The following IL21R variants were observed in gnomAD, a reference collection of about 807,000 sequenced individuals.
IL21R encodes interleukin 21 receptor.
IL21R carries 14 observed loss-of-function variants against 41.3 expected under a neutral mutation model. The ratio of observed to expected loss-of-function variants is 0.34; its 90% CI spans 0.22 to 0.53. IL21R has a LOEUF of 0.53. Ranked by LOEUF, IL21R falls within the 20% of genes least tolerant of loss-of-function variation. IL21R has a pLI of 0.94. For synonymous variants in IL21R, 286 were observed against 287.6 expected (o/e 0.99, Z 0.05); for missense variants, 588 against 681.6 (o/e 0.86, Z 1.53).
intron 1 of IL21R, among the ~76,000 whole-genome samples, chr16:27,418,121 G>T (rs1234241650): frequency 6.6e-6 from 1 of 151,134 alleles, no homozygotes; most frequent in Non-Finnish European, 1.5e-5. Context: ...CCAGGCTGGA[G>T]TGCAGTGGCG....
chr16:27,412,078 T>C (rs1443717288), intron 1 of IL21R, among the ~76,000 whole-genome samples: 2 of 152,226 alleles, frequency 1.3e-5, no homozygotes, highest in African/African-American at 4.8e-5. Context: ...AGGTCTTATG[T>C]TTGGGTCTTT....
rs555882897 is a variant in IL21R, at chr16:27,444,445, C to G, written c.508-97C>G. The G allele has an allele frequency of 2.7e-5, 21 of 780,426 alleles. No homozygotes were observed. The African/African-American group carries it at 3.5e-4, about 13-fold the overall frequency. 48.3% of individuals were successfully genotyped at this position (780,426 alleles called of 1,614,324 possible). A position where few individuals can be genotyped will look rare whatever the true frequency, so the allele number is the denominator to read the frequency against. Reference sequence around the variant, plus strand: ...TGTGGGAAGAGAAGAGACACTCAGCCCCTTTGATGGAAGCTGGGAAAAGAG... The same window carrying G: ...TGTGGGAAGAGAAGAGACACTCAGCGCCTTTGATGGAAGCTGGGAAAAGAG... On this transcript the variant is annotated intron_variant, in intron 5 of 8. Coordinates refer to ENST00000337929, the MANE Select transcript of IL21R (RefSeq NM_181078.3).
chr16:27,418,376 T>C (rs2086934768), intron 1 of IL21R, among the ~76,000 whole-genome samples: 1 of 150,350 alleles, frequency 6.7e-6, no homozygotes, highest in Admixed American at 6.7e-5. Context: ...CCCTATTTTA[T>C]TTCATTTTTT....
At chr16:27,413,949 T>C (rs189395784) in intron 1 of IL21R, among the ~76,000 whole-genome samples, 11 of 152,134 alleles carry the variant, frequency 7.2e-5, no homozygotes, top group African/African-American at 2.6e-4. Context: ...ATTATTATTC[T>C]AATAGTTTAT....
rs2087604255 is a variant in IL21R, at chr16:27,451,862, A to T, written c.*2579A>T. On this transcript the variant is annotated 3_prime_UTR_variant, in exon 9 of 9. Transcript: ENST00000337929. Reference sequence around the variant, plus strand: ...GCAAAAGTCTTTGATATTACTCTTAATGGCTTTAATAAAAAGCTTGAAGGA... The same window carrying T: ...GCAAAAGTCTTTGATATTACTCTTATTGGCTTTAATAAAAAGCTTGAAGGA... 2 of 230,636 alleles carry T rather than the reference A, an allele frequency of 8.7e-6. No homozygotes were observed. Among genetic ancestry groups the T allele is most frequent in the Non-Finnish European group, 1.7e-5 (2 of 116,346 alleles). The allele number at this position is 230,636 out of a possible 1,614,324, so 14.3% of individuals were successfully genotyped here.
intron 1 of IL21R, among the ~76,000 whole-genome samples, chr16:27,408,672 T>A (rs2086782985): frequency 6.6e-6 from 1 of 152,172 alleles, no homozygotes; most frequent in African/African-American, 2.4e-5. Context: ...CCTCTTCTGG[T>A]GACCTGTTGG....
In IL21R at chr16:27,440,287, A is replaced by C. The variant is rs1047525005; in HGVS notation, c.352+2600A>C. The stretch of plus-strand genomic sequence containing the variant: ...GAGAGAGAGAGAGAGAGAGCGAGCA[A>C]GCGCGCGCCAGGGTGTAGCTTTGTC... On this transcript the variant is annotated intron_variant, in intron 4 of 8. Coordinates refer to ENST00000337929, the MANE Select transcript of IL21R (RefSeq NM_181078.3). Among the ~76,000 whole-genome samples, 467 of 102,398 alleles carry C rather than the reference A, an allele frequency of 4.6e-3. 5 individuals are homozygous for C. Among genetic ancestry groups the C allele is most frequent in the East Asian group, 0.04 (156 of 3,872 alleles). The allele number at this position is 102,398 out of a possible 152,430, so 67.2% of individuals were successfully genotyped here. A position where few individuals can be genotyped will look rare whatever the true frequency, so the allele number is the denominator to read the frequency against.
chr16:27,445,997 G>T lies in IL21R; in HGVS notation c.786-10G>T, dbSNP rs752778052. The T allele has an allele frequency of 1.9e-6, 3 of 1,607,754 alleles. No homozygotes were observed. The highest frequency in any genetic ancestry group is 1.1e-5 in the South Asian group (1 of 90,142). ...GATGTCAGGGTCCTCACCCCTCTCT[G>T]CCCCCTCAGGCTATGGAAGAAGATA... On this transcript the variant is annotated splice_polypyrimidine_tract_variant and intron_variant, in intron 7 of 8. Transcript: ENST00000337929.
At chr16:27,442,225 C>A (rs890940693) in intron 4 of IL21R, among the ~76,000 whole-genome samples, 1 of 135,238 alleles carries the variant, frequency 7.4e-6, no homozygotes, top group Non-Finnish European at 1.6e-5. Context: ...TGTGGGCATG[C>A]ATGTGTGTGG....
chr16:27,440,045 AC>A (rs2087352667), intron 4 of IL21R, among the ~76,000 whole-genome samples: 2 of 151,816 alleles, frequency 1.3e-5, no homozygotes, highest in African/African-American at 4.8e-5. Context: ...TCAGTCAAAA[AC>A]ATCCCATTAC....
intron 7 of IL21R, 125 bp from the exon 8 acceptor site, chr16:27,445,882 A>G: frequency 1.7e-6 from 1 of 594,510 alleles, no homozygotes; most frequent in East Asian, 3.2e-5. Context: ...GGAAGGAGGG[A>G]GGCGCCTGGG....
intron 1 of IL21R, 138 bp from the exon 2 acceptor site, chr16:27,429,918 G>T: frequency 1.5e-6 from 1 of 649,832 alleles, no homozygotes; most frequent in South Asian, 2.0e-5. Flanking sequence ...TCATCCACAG[G>T]CCCCTCGGGA....
intron 8 of IL21R, among the ~76,000 whole-genome samples, chr16:27,447,205 A>G (rs2087496610): frequency 6.6e-6 from 1 of 152,070 alleles, no homozygotes; most frequent in South Asian, 2.1e-4. Context: ...TTTTGGGTTG[A>G]TTTTTACCAA....
Position 27,437,597 on chromosome 16 carries a change from T to G in IL21R, c.262T>G (p.Phe88Val). ...CACCTGCCACATGGATGTATTCCAC[T>G]TCATGGCCGACGACATTTTCAGTGT... ...TYTCHMDVFH[F>V]MADDIFSVNI... The change falls in exon 4 of 9, where the codon TTC becomes GTC. Residue 88 changes from phenylalanine (F) to valine (V), a missense_variant. Transcript: ENST00000337929. 1 of 1,614,240 alleles carries G rather than the reference T, an allele frequency of 6.2e-7. No individual in the cohort carries two copies. Among genetic ancestry groups the G allele is most frequent in the Non-Finnish European group, 8.5e-7 (1 of 1,180,036 alleles).
At chr16:27,437,144 C>G (rs1176135395) in intron 3 of IL21R, among the ~76,000 whole-genome samples, 1 of 152,184 alleles carries the variant, frequency 6.6e-6, no homozygotes, top group Non-Finnish European at 1.5e-5. Context: ...TGCAGGACAG[C>G]CATCTGGTTG....
chr16:27,448,511 C>T (rs1555498731), intron 8 of IL21R, 23 bp from the exon 9 acceptor site: 4 of 1,572,134 alleles, frequency 2.5e-6, no homozygotes, highest in South Asian at 2.4e-5. Flanking sequence ...TGTGCTATGA[C>T]TCTCTCTTTT....
At chr16:27,404,679 A>G (rs2086710693) in intron 1 of IL21R, among the ~76,000 whole-genome samples, 1 of 152,148 alleles carries the variant, frequency 6.6e-6, no homozygotes, top group Non-Finnish European at 1.5e-5. Flanking sequence ...AGATGGGGGA[A>G]CTGGAACTGG....
At chr16:27,435,817 G>A (rs2087259621) in intron 3 of IL21R, among the ~76,000 whole-genome samples, 1 of 152,064 alleles carries the variant, frequency 6.6e-6, no homozygotes, top group African/African-American at 2.4e-5. Flanking sequence ...TGCCCAGGCT[G>A]GAGTGCGGTG....
intron 1 of IL21R, among the ~76,000 whole-genome samples, chr16:27,429,698 C>T (rs1345292178): frequency 6.6e-6 from 1 of 151,966 alleles, no homozygotes; most frequent in Non-Finnish European, 1.5e-5. Flanking sequence ...CGCTTGAGCC[C>T]AGGAGGTTGA....
Sources: gnomAD v4.1 joint callset for allele counts (sites outside exome capture counted in the v4.1 genomes callset) on GRCh38, gnomAD v4.1.1 for gene constraint, MANE v1.5 for transcripts, NCBI Gene and HGNC (gene_info 2026-07-23, HGNC 2026-07-21) for gene names.